The following GRIK2 variants were observed in gnomAD, a reference collection of about 807,000 sequenced individuals.
The protein encoded by GRIK2 is glutamate ionotropic receptor kainate type subunit 2, also known as glutamate receptor ionotropic, kainate 2.
Under a neutral mutation model 100.3 loss-of-function variants are expected in GRIK2, and 32 were observed. The observed-to-expected ratio is 0.32, with a 90% CI of 0.24 to 0.43. The LOEUF (loss-of-function observed/expected upper bound fraction) is 0.43. Among genes scored for constraint, GRIK2 ranks in the 20% least tolerant of loss-of-function variants. The pLI is 1.00. For synonymous variants in GRIK2, 417 were observed against 389.4 expected, an observed-to-expected ratio of 1.07 and a Z score of -0.83; for missense variants, 843 against 1,114.9, an observed-to-expected ratio of 0.76 and a Z score of 3.47.
intron 11 of GRIK2, among the ~76,000 whole-genome samples, chr6:101,881,651 A>G (rs1260553332): frequency 4.0e-5 from 6 of 151,626 alleles, no homozygotes; most frequent in Non-Finnish European, 8.8e-5. Context: ...AATTCCAGCT[A>G]GCCTGTGCAA....
At chr6:101,958,703 A>T (rs1792100116) in intron 14 of GRIK2, among the ~76,000 whole-genome samples, 1 of 152,026 alleles carries the variant, frequency 6.6e-6, no homozygotes, top group Admixed American at 6.6e-5. Context: ...AGTTTATATG[A>T]TACCTGGTGT....
intron 2 of GRIK2, among the ~76,000 whole-genome samples, chr6:101,592,586 C>CATATATATAT (rs1491243587): frequency 7.7e-4 from 41 of 53,368 alleles, no homozygotes; most frequent in African/African-American, 1.3e-3. Context: ...TTACTAATAT[C>CATATATATAT]ACATATATAT....
intron 7 of GRIK2, among the ~76,000 whole-genome samples, chr6:101,786,559 T>C (rs1171290024): frequency 6.6e-6 from 1 of 152,176 alleles, no homozygotes; most frequent in Non-Finnish European, 1.5e-5. Flanking sequence ...ACATGATTTT[T>C]ACCCTTTATT....
intron 14 of GRIK2, among the ~76,000 whole-genome samples, chr6:101,988,271 T>A (rs564092653): frequency 1.3e-5 from 2 of 151,840 alleles, no homozygotes; most frequent in Non-Finnish European, 2.9e-5. Context: ...CACACCATTA[T>A]GATTTTGGGG....
At chr6:101,527,733 T>G (rs2128283599) in intron 2 of GRIK2, among the ~76,000 whole-genome samples, 1 of 152,242 alleles carries the variant, frequency 6.6e-6, no homozygotes, top group East Asian at 1.9e-4. Flanking sequence ...AGGGCTATAC[T>G]TTAGAGGTAC....
chr6:102,059,762 T>A (rs1177869317), intron 16 of GRIK2, among the ~76,000 whole-genome samples: 2 of 150,840 alleles, frequency 1.3e-5, no homozygotes, highest in African/African-American at 4.8e-5. Context: ...TTTTCTTTTT[T>A]TAGGTTTTCA....
intron 2 of GRIK2, among the ~76,000 whole-genome samples, chr6:101,518,203 G>A (rs1245257589): frequency 6.6e-6 from 1 of 152,030 alleles, no homozygotes; most frequent in Non-Finnish European, 1.5e-5. Context: ...AAGTGCTATG[G>A]CAAGTGTTTG....
At chr6:101,594,512 T>C (rs1346431438) in intron 2 of GRIK2, among the ~76,000 whole-genome samples, 9 of 151,802 alleles carry the variant, frequency 5.9e-5, no homozygotes. Flanking sequence ...CAAGGAAATA[T>C]ATAGCATATG....
intron 2 of GRIK2, among the ~76,000 whole-genome samples, chr6:101,498,573 G>A (rs1213664185): frequency 6.7e-6 from 1 of 150,320 alleles, no homozygotes; most frequent in South Asian, 2.1e-4. Context: ...ACTGGTGTGA[G>A]ATGGTATCTC....
intron 7 of GRIK2, among the ~76,000 whole-genome samples, chr6:101,794,171 G>A (rs540593033): frequency 3.4e-4 from 52 of 152,214 alleles, no homozygotes; most frequent in Non-Finnish European, 6.0e-4. Flanking sequence ...CCTGAGTGAG[G>A]CAATGCCTCG....
intron 14 of GRIK2, among the ~76,000 whole-genome samples, chr6:101,950,878 T>C (rs1791566575): frequency 6.6e-6 from 1 of 152,286 alleles, no homozygotes. Context: ...ATAGGTGGCA[T>C]AGTGTAGACA....
At chr6:101,700,686 G>A (rs530532296) in intron 7 of GRIK2, among the ~76,000 whole-genome samples, 2 of 152,172 alleles carry the variant, frequency 1.3e-5, no homozygotes, top group South Asian at 2.1e-4. Context: ...GGTTAAGGCT[G>A]AGCGTTTAAG....
intron 14 of GRIK2, among the ~76,000 whole-genome samples, chr6:101,964,611 C>G (rs1792541736): frequency 6.6e-6 from 1 of 152,134 alleles, no homozygotes; most frequent in African/African-American, 2.4e-5. Context: ...CCTTGTGGCT[C>G]TTGTTTGATC....
intron 2 of GRIK2, among the ~76,000 whole-genome samples, chr6:101,571,059 A>T (rs1243384222): frequency 1.8e-3 from 1 of 542 alleles, no homozygotes; most frequent in Non-Finnish European, 2.6e-3. Flanking sequence ...TGCTATGTGC[A>T]GTATTTTGTG....
At chr6:101,657,176 T>G (rs940192892) in intron 4 of GRIK2, among the ~76,000 whole-genome samples, 1 of 152,296 alleles carries the variant, frequency 6.6e-6, no homozygotes, top group African/African-American at 2.4e-5. Context: ...TCATCTTGAA[T>G]TGTAATCTCC....
At chr6:102,012,021 G>A (rs768491757) in intron 14 of GRIK2, among the ~76,000 whole-genome samples, 1 of 152,084 alleles carries the variant, frequency 6.6e-6, no homozygotes, top group Admixed American at 6.5e-5. Flanking sequence ...TTCACTCTAT[G>A]ATCCATTTTG....
chr6:101,641,464 A>G (rs977462636), intron 4 of GRIK2, among the ~76,000 whole-genome samples: 2 of 152,026 alleles, frequency 1.3e-5, no homozygotes, highest in African/African-American at 2.4e-5. Context: ...TCCTTTTCCA[A>G]AAATATGGCT....
chr6:101,439,670 AT>A (rs1369794908), intron 2 of GRIK2, among the ~76,000 whole-genome samples: 2 of 152,142 alleles, frequency 1.3e-5, no homozygotes, highest in African/African-American at 2.4e-5. Flanking sequence ...AAATATGTAT[AT>A]TGATAATTAC....
intron 11 of GRIK2, among the ~76,000 whole-genome samples, chr6:101,862,890 AT>A (rs1322749738): frequency 6.6e-6 from 1 of 152,036 alleles, no homozygotes; most frequent in Non-Finnish European, 1.5e-5. Context: ...CAGATTTTCC[AT>A]TGGGCTGATC....
Sources: gnomAD v4.1 joint callset for allele counts (sites outside exome capture counted in the v4.1 genomes callset) on GRCh38, gnomAD v4.1.1 for gene constraint, MANE v1.5 for transcripts, NCBI Gene and HGNC (gene_info 2026-07-23, HGNC 2026-07-21) for gene names.